TAOK3: variants seen among roughly 807,000 people sequenced by gnomAD.
The protein encoded by TAOK3 is TAO kinase 3, also known as serine/threonine-protein kinase TAO3.
Under a neutral mutation model 120.4 loss-of-function variants are expected in TAOK3, and 40 were observed. The ratio of observed to expected loss-of-function variants is 0.33; its 90% CI spans 0.26 to 0.43. The LOEUF is 0.43. Among genes scored for constraint, TAOK3 ranks in the 20% least tolerant of loss-of-function variants. The pLI is 1.00. For missense variants in TAOK3, 821 were observed against 1,112.1 expected (o/e 0.74, Z 3.72); for synonymous variants, 355 against 387.5 (o/e 0.92, Z 0.99).
chr12:118,241,086 T>C (rs2040230167), intron 5 of TAOK3, among the ~76,000 whole-genome samples: 1 of 150,004 alleles, frequency 6.7e-6, no homozygotes, highest in African/African-American at 2.4e-5. Context: ...TATTTATATA[T>C]TACATATGAT....
At chr12:118,240,906 T>G (rs2139958729) in intron 5 of TAOK3, among the ~76,000 whole-genome samples, 1 of 151,678 alleles carries the variant, frequency 6.6e-6, no homozygotes, top group African/African-American at 2.4e-5. Flanking sequence ...CTTGCATTAC[T>G]GAGATAATTT....
chr12:118,261,225 T>G (rs2041215287), intron 2 of TAOK3, among the ~76,000 whole-genome samples: 1 of 152,118 alleles, frequency 6.6e-6, no homozygotes, highest in African/African-American at 2.4e-5. Context: ...GTGGAGTCCC[T>G]GAAGGGGAGG....
At chr12:118,302,830 C>T (rs1449135578) in intron 1 of TAOK3, among the ~76,000 whole-genome samples, 2 of 152,082 alleles carry the variant, frequency 1.3e-5, no homozygotes, top group African/African-American at 2.4e-5. Context: ...ATTTGGAAAA[C>T]ACAGCATTTT....
intron 1 of TAOK3, among the ~76,000 whole-genome samples, chr12:118,280,063 C>CGT (rs1245159057): frequency 7.3e-6 from 1 of 136,486 alleles, no homozygotes; most frequent in African/African-American, 2.7e-5. Context: ...CCGCGCCCCA[C>CGT]CTTTTTTTTT....
At chr12:118,325,003 C>T (rs374896594) in intron 1 of TAOK3, among the ~76,000 whole-genome samples, 74 of 152,204 alleles carry the variant, frequency 4.9e-4, no homozygotes, top group African/African-American at 1.8e-3. Context: ...GCCTCGGCCT[C>T]CCAAAGTGCT....
intron 1 of TAOK3, among the ~76,000 whole-genome samples, chr12:118,293,780 G>A (rs544912227): frequency 1.2e-4 from 19 of 152,122 alleles, no homozygotes; most frequent in Admixed American, 8.5e-4. Flanking sequence ...TTGGGAGGCC[G>A]AGGCAGGCAA....
At chr12:118,333,367 A>T (rs1253075696) in intron 1 of TAOK3, among the ~76,000 whole-genome samples, 1 of 152,206 alleles carries the variant, frequency 6.6e-6, no homozygotes, top group Non-Finnish European at 1.5e-5. Context: ...GGAAATTAAC[A>T]CATTTCTAAA....
rs1159374828 is a variant in TAOK3, at chr12:118,372,477, C to G, written c.-194+171G>C. ...TCGGAGTCCTCTCCACTCAGAGCCA[C>G]TGCCTCGGTCCCTCTCGGAGTCCCC... is the stretch of plus-strand genomic sequence containing the variant. On this transcript the variant is annotated intron_variant, in intron 1 of 20. Transcript: ENST00000392533. The surrounding 1 kb of genome is among the most constrained non-coding windows in gnomAD (Gnocchi z 4.6). 6.6e-6 allele frequency among the ~76,000 whole-genome samples: 1 copy of G among 151,650 alleles called. No individual in the cohort carries two copies. Among genetic ancestry groups the G allele is most frequent in the Non-Finnish European group, 1.5e-5 (1 of 67,860 alleles).
chr12:118,255,763 C>T (rs536706274), intron 2 of TAOK3, 108 bp from the exon 3 acceptor site: 136 of 523,652 alleles, frequency 2.6e-4, no homozygotes, highest in Non-Finnish European at 3.8e-4. Flanking sequence ...AACTCAATAA[C>T]AAAAGGACAA....
At chr12:118,203,165 T>G (rs935303131) in intron 11 of TAOK3, among the ~76,000 whole-genome samples, 1 of 152,152 alleles carries the variant, frequency 6.6e-6, no homozygotes, top group Non-Finnish European at 1.5e-5. Flanking sequence ...TATTTTGTTC[T>G]CTATTTCTGT....
intron 1 of TAOK3, among the ~76,000 whole-genome samples, chr12:118,300,223 A>C (rs1284592976): frequency 6.6e-6 from 1 of 152,240 alleles, no homozygotes; most frequent in Non-Finnish European, 1.5e-5. Flanking sequence ...TCTGAAAAAC[A>C]ACAATATCCC....
intron 9 of TAOK3, among the ~76,000 whole-genome samples, chr12:118,223,784 C>G (rs965471310): frequency 5.9e-5 from 9 of 151,852 alleles, no homozygotes; most frequent in African/African-American, 2.2e-4. Flanking sequence ...GCTGGGACTA[C>G]AGGTGTGTGC....
At chr12:118,263,191 A>G (rs2041305897) in intron 2 of TAOK3, among the ~76,000 whole-genome samples, 1 of 152,242 alleles carries the variant, frequency 6.6e-6, no homozygotes, top group African/African-American at 2.4e-5. Flanking sequence ...GTAGACCCAC[A>G]TATTTATGGA....
intron 1 of TAOK3, among the ~76,000 whole-genome samples, chr12:118,332,962 AAAC>A (rs946399874): frequency 6.6e-6 from 1 of 151,508 alleles, no homozygotes; most frequent in African/African-American, 2.4e-5. Flanking sequence ...TACATGCACC[AAAC>A]AACAGTTTCA....
chr12:118,367,731 C>T (rs1430191533), intron 1 of TAOK3, among the ~76,000 whole-genome samples: 4 of 150,994 alleles, frequency 2.6e-5, no homozygotes, highest in African/African-American at 7.3e-5. Flanking sequence ...CATCTTTTTT[C>T]GGAGAGTCAC....
chr12:118,239,854 C>T (rs990099798), intron 5 of TAOK3, among the ~76,000 whole-genome samples: 6 of 152,066 alleles, frequency 3.9e-5, no homozygotes, highest in Admixed American at 2.0e-4. Context: ...TAAAATATTT[C>T]CAGAATAATA....
At chr12:118,187,561 C>T (rs181139122) in intron 14 of TAOK3, among the ~76,000 whole-genome samples, 70 of 152,168 alleles carry the variant, frequency 4.6e-4, no homozygotes, top group Admixed American at 3.7e-3. Context: ...CAAAATGGGA[C>T]ATGGAACCAT....
intron 1 of TAOK3, among the ~76,000 whole-genome samples, chr12:118,293,282 G>A (rs575922515): frequency 1.3e-5 from 2 of 152,184 alleles, no homozygotes; most frequent in Non-Finnish European, 2.9e-5. Flanking sequence ...TTGACTTTGA[G>A]GGGTTAAAGT....
intron 1 of TAOK3, among the ~76,000 whole-genome samples, chr12:118,311,217 T>C (rs547012972): frequency 5.3e-5 from 8 of 152,290 alleles, no homozygotes; most frequent in African/African-American, 1.9e-4. Flanking sequence ...TCCCACCACC[T>C]TGGGAGACCG....
Sources: allele counts gnomAD v4.1 joint callset (sites outside exome capture counted in the v4.1 genomes callset), GRCh38; gene constraint gnomAD v4.1.1; non-coding constraint Gnocchi (gnomAD v3.1); transcripts MANE v1.5; gene names NCBI Gene and HGNC (gene_info 2026-07-23, HGNC 2026-07-21).